Variants in NRG1 observed in about 807,000 individuals in gnomAD.
NRG1 encodes pro-neuregulin-1, membrane-bound isoform.
A neutral mutation model predicts 63.8 loss-of-function variants in NRG1; 18 were observed. That is an observed-to-expected ratio of 0.28 (90% CI 0.19 to 0.42). The LOEUF (loss-of-function observed/expected upper bound fraction) is 0.42. NRG1 is among the 10% of genes least tolerant of loss of function. NRG1 has a pLI of 1.00. For missense variants in NRG1, 762 were observed against 814.7 expected (o/e 0.94, Z 0.79); for synonymous variants, 302 against 301.3 (o/e 1.00, Z -0.02).
chr8:31,736,538 C>G (rs1243173859), intron 1 of NRG1, among the ~76,000 whole-genome samples: 1 of 152,122 alleles, frequency 6.6e-6, no homozygotes, highest in Non-Finnish European at 1.5e-5. Flanking sequence ...TAGACCCAAT[C>G]TTGCACAGGC....
At chr8:32,437,826 T>C (rs1369867409) in intron 1 of NRG1, among the ~76,000 whole-genome samples, 4 of 152,184 alleles carry the variant, frequency 2.6e-5, no homozygotes, top group Admixed American at 2.6e-4. Flanking sequence ...TTATAACTGG[T>C]GAGCTACATT....
chr8:32,111,989 G>A (rs1467292308), intron 1 of NRG1, among the ~76,000 whole-genome samples: 1 of 152,126 alleles, frequency 6.6e-6, no homozygotes, highest in Non-Finnish European at 1.5e-5. Context: ...GAAATGAAAG[G>A]GGAAAAATGG....
chr8:32,727,328 G>A (rs916883107), intron 5 of NRG1, among the ~76,000 whole-genome samples: 1 of 152,086 alleles, frequency 6.6e-6, no homozygotes, highest in Non-Finnish European at 1.5e-5. Context: ...ATGGCGTTTG[G>A]ACATTCAACC....
At chr8:32,049,571 G>A (rs1488433869) in intron 1 of NRG1, among the ~76,000 whole-genome samples, 1 of 152,022 alleles carries the variant, frequency 6.6e-6, no homozygotes, top group Non-Finnish European at 1.5e-5. Context: ...GCTTAATTTT[G>A]ACTGCATGAA....
chr8:32,645,874 A>G (rs929500661), intron 5 of NRG1, among the ~76,000 whole-genome samples: 5 of 151,922 alleles, frequency 3.3e-5, no homozygotes, highest in Non-Finnish European at 7.4e-5. Context: ...TAGTGTTTTA[A>G]TGACTGTTGT....
chr8:31,640,815 G>A lies in NRG1; in HGVS notation c.37+1384G>A. On this transcript the variant is annotated intron_variant, in intron 1 of 10. Transcript: ENST00000519301. The surrounding 1 kb of genome is among the most constrained non-coding windows in gnomAD (Gnocchi z 6.3). ...GGGCAGCGGGGCTCGACGGCCGCCC[G>A]AGCAAGGCAGAGGCGCTCTGGGTCC... 1 of 1,428,396 alleles carries A rather than the reference G, an allele frequency of 7.0e-7. No individual in the cohort carries two copies. Among genetic ancestry groups the A allele is most frequent in the Non-Finnish European group, 9.1e-7 (1 of 1,093,150 alleles). 88.5% of individuals were successfully genotyped at this position (1,428,396 alleles called of 1,614,324 possible).
Position 32,380,862 on chromosome 8 carries a change from T to G in NRG1, c.38-214966T>G, listed in dbSNP as rs568313345. 3.3e-5 allele frequency among the ~76,000 whole-genome samples: 5 copies of G among 152,366 alleles called. No individual in the cohort carries two copies. The South Asian group carries it at 1.0e-3, about 32-fold the overall frequency. On this transcript the variant is annotated intron_variant, in intron 1 of 10. Coordinates refer to the NRG1 transcript ENST00000519301. ...CTAATTTGTAAAGATAAAGTCAGTG[T>G]ACTTGGGATATCCATCACCTTTTAA...
chr8:32,260,486 C>T (rs919924539), intron 1 of NRG1, among the ~76,000 whole-genome samples: 11 of 152,296 alleles, frequency 7.2e-5, no homozygotes, highest in African/African-American at 2.2e-4. Flanking sequence ...GTCTTTTGCT[C>T]CTGACATTCT....
intron 1 of NRG1, among the ~76,000 whole-genome samples, chr8:31,664,215 C>T (rs1806298409): frequency 6.6e-6 from 1 of 152,142 alleles, no homozygotes; most frequent in African/African-American, 2.4e-5. Context: ...GTAGTCAAGA[C>T]TTAACATAAC....
At chr8:31,877,173 G>A (rs1004473826) in intron 1 of NRG1, among the ~76,000 whole-genome samples, 3 of 152,008 alleles carry the variant, frequency 2.0e-5, no homozygotes, top group Non-Finnish European at 2.9e-5. Context: ...GGAATAAGAA[G>A]GAATAATTTC....
intron 1 of NRG1, among the ~76,000 whole-genome samples, chr8:31,973,642 A>T (rs554456770): frequency 6.6e-6 from 1 of 152,346 alleles, no homozygotes; most frequent in South Asian, 2.1e-4. Context: ...TCAGAGTCCC[A>T]TAAATTAGCA....
At chr8:32,006,552 G>A (rs950102783) in intron 1 of NRG1, among the ~76,000 whole-genome samples, 5 of 152,024 alleles carry the variant, frequency 3.3e-5, no homozygotes, top group Admixed American at 1.3e-4. Context: ...GACAGAAGAC[G>A]AAAGCATCAG....
At chr8:31,987,782 C>T (rs1375965315) in intron 1 of NRG1, among the ~76,000 whole-genome samples, 1 of 152,014 alleles carries the variant, frequency 6.6e-6, no homozygotes, top group Non-Finnish European at 1.5e-5. Flanking sequence ...TTAGATTATT[C>T]CAACCTCAGC....
intron 1 of NRG1, among the ~76,000 whole-genome samples, chr8:32,429,395 T>C (rs1456587969): frequency 5.9e-5 from 9 of 152,186 alleles, no homozygotes; most frequent in Non-Finnish European, 1.2e-4. Context: ...TTTACCACTT[T>C]GGCCCAAACA....
At chr8:31,923,165 A>G (rs1180338225) in intron 1 of NRG1, among the ~76,000 whole-genome samples, 1 of 152,122 alleles carries the variant, frequency 6.6e-6, no homozygotes, top group African/African-American at 2.4e-5. Flanking sequence ...GTTAAAAAAC[A>G]GTTTTTTTCT....
intron 3 of NRG1, among the ~76,000 whole-genome samples, chr8:32,608,369 T>C (rs1281550797): frequency 2.0e-5 from 3 of 150,900 alleles, no homozygotes. Context: ...TGAGATGGAG[T>C]GTTGCTATGT....
intron 1 of NRG1, among the ~76,000 whole-genome samples, chr8:31,996,369 T>C (rs1292141639): frequency 6.6e-6 from 1 of 151,954 alleles, no homozygotes; most frequent in Admixed American, 6.6e-5. Flanking sequence ...GTAGGTTTTG[T>C]TACCAGTGGA....
intron 1 of NRG1, among the ~76,000 whole-genome samples, chr8:32,486,264 T>C (rs1441793045): frequency 1.3e-5 from 2 of 152,148 alleles, no homozygotes; most frequent in Non-Finnish European, 2.9e-5. Flanking sequence ...CCTTTTATAG[T>C]TTGTTATAAC....
In NRG1 at chr8:32,665,026, A is replaced by T. The variant is rs531331380; in HGVS notation, c.502+48141A>T. 1.1e-4 allele frequency among the ~76,000 whole-genome samples: 16 copies of T among 152,298 alleles called. 1 individual carries two copies. In the South Asian group the frequency reaches 3.3e-3, roughly 32 times the overall value. ...GTTCTTCCCCTGATGTTATACAAAA[A>T]TTAAAATTGATAGAATACAGAACTT... On this transcript the variant is annotated intron_variant, in intron 5 of 11. Coordinates refer to ENST00000356819, the Ensembl canonical transcript of NRG1.
Sources: allele counts gnomAD v4.1 joint callset (sites outside exome capture counted in the v4.1 genomes callset), GRCh38; gene constraint gnomAD v4.1.1; non-coding constraint Gnocchi (gnomAD v3.1); transcripts MANE v1.5; gene names NCBI Gene and HGNC (gene_info 2026-07-23, HGNC 2026-07-21).